VWF: variants seen among roughly 807,000 people sequenced by gnomAD.
VWF encodes the protein Factor VIII related antigen.
Under a neutral mutation model 308.6 loss-of-function variants are expected in VWF, and 176 were observed. The observed-to-expected ratio is 0.57, with a 90% confidence interval of 0.50 to 0.65. The LOEUF is 0.65. VWF is among the 30% of genes least tolerant of loss of function. The pLI is 0.00. For synonymous variants in VWF, 1,385 were observed against 1,443.4 expected (o/e 0.96, Z 0.92); for missense variants, 3,146 against 3,648.2 (o/e 0.86, Z 3.55).
intron 39 of VWF, 105 bp downstream of exon 39, chr12:5,985,458 G>A: frequency 1.6e-6 from 2 of 1,239,898 alleles, no homozygotes; most frequent in African/African-American, 1.5e-5. Flanking sequence ...GACTCTAGGT[G>A]CCAGTGTTTG....
chr12:5,971,764 C>G (rs1438405509), intron 43 of VWF, 55 bp from the exon 44 acceptor site: 5 of 1,461,612 alleles, frequency 3.4e-6, no homozygotes, highest in Non-Finnish European at 4.8e-6. Flanking sequence ...GACACAGGGG[C>G]TCTTACCTAC....
In VWF at chr12:6,065,225, C is replaced by T. The variant is rs779082753; in HGVS notation, c.1205G>A (p.Arg402Lys). ...GQSHFKSFDN[R>K]YFTFSGICQY... Reference sequence around the variant, plus strand: ...GCAGATCCCACTGAAGGTGAAGTATCTGTTGTCAAAGCTCTTGAAGTGTGA... The same window carrying T: ...GCAGATCCCACTGAAGGTGAAGTATTTGTTGTCAAAGCTCTTGAAGTGTGA... Residue 402 changes from arginine (R) to lysine (K), a missense_variant, in exon 11 of 52, where the codon AGA becomes AAA. Around this residue, in one of 3 missense-constraint regions of VWF, gnomAD observed 1,304 missense variants for 1,353.0 expected, o/e 0.96. Transcript: ENST00000261405. 5.9e-5 allele frequency: 95 copies of T among 1,614,054 alleles called. No homozygotes were observed. The Admixed American group carries it at 1.6e-3, about 27-fold the overall frequency.
chr12:5,980,379 G>T (rs1045322045), intron 42 of VWF, among the ~76,000 whole-genome samples: 1 of 152,114 alleles, frequency 6.6e-6, no homozygotes, highest in Admixed American at 6.6e-5. Context: ...AATCCCCTGG[G>T]TCTAACTTCT....
chr12:6,093,025 TCCCAGCCTGCAGGATG>T (rs1945067920), intron 6 of VWF, among the ~76,000 whole-genome samples: 1 of 151,736 alleles, frequency 6.6e-6, no homozygotes, highest in East Asian at 1.9e-4. Flanking sequence ...AGGCTACACT[TCCCAGCCTGCAGGATG>T]GCCAGCCTGC....
At chr12:6,061,983 G>A (rs1202384353) in intron 13 of VWF, among the ~76,000 whole-genome samples, 1 of 152,090 alleles carries the variant, frequency 6.6e-6, no homozygotes, top group East Asian at 1.9e-4. Context: ...TTTTGTTCTG[G>A]CAAACAGTTA....
intron 34 of VWF, among the ~76,000 whole-genome samples, chr12:6,000,969 T>C (rs1007119529): frequency 6.6e-6 from 1 of 152,030 alleles, no homozygotes; most frequent in African/African-American, 2.4e-5. Context: ...AATGTGCAAA[T>C]GTTATATGCT....
chr12:6,110,809 G>A, intron 4 of VWF, 57 bp downstream of exon 4: 1 of 1,554,410 alleles, frequency 6.4e-7, no homozygotes, highest in Middle Eastern at 1.7e-4. Context: ...CTAAAAATGA[G>A]GGGGTTGTGT....
intron 5 of VWF, among the ~76,000 whole-genome samples, chr12:6,097,789 T>A (rs137913829): frequency 1.1e-4 from 17 of 152,350 alleles, no homozygotes; most frequent in Non-Finnish European, 1.5e-4. Context: ...CTTAAATTTG[T>A]GGCATGTTGA....
chr12:6,016,278 T>C lies in VWF; in HGVS notation c.5312-46A>G, dbSNP rs770144599. Reference sequence around the variant, plus strand: ...ACGCCAAGTCAGTACTGACTGCGGCTCGACACCCTGTCTTAACGGTGGATC... The same window carrying C: ...ACGCCAAGTCAGTACTGACTGCGGCCCGACACCCTGTCTTAACGGTGGATC... On this transcript the variant is annotated intron_variant, in intron 30 of 51. Transcript: ENST00000261405. 9.3e-6 allele frequency: 15 copies of C among 1,613,932 alleles called. No homozygotes were observed. The East Asian group carries it at 3.3e-4, about 36-fold the overall frequency.
At chr12:6,111,357 G>A (rs542704216) in intron 3 of VWF, among the ~76,000 whole-genome samples, 7 of 152,188 alleles carry the variant, frequency 4.6e-5, no homozygotes, top group Non-Finnish European at 1.0e-4. Flanking sequence ...TGCTCTAGGA[G>A]AGTGTTATTT....
chr12:6,015,369 C>T (rs1565830000), intron 31 of VWF, among the ~76,000 whole-genome samples: 1 of 152,040 alleles, frequency 6.6e-6, no homozygotes, highest in Non-Finnish European at 1.5e-5. Flanking sequence ...ATAACTTCCT[C>T]AGGAAGAACA....
chr12:6,000,830 A>G (rs909024449), intron 34 of VWF, among the ~76,000 whole-genome samples: 5 of 151,528 alleles, frequency 3.3e-5, no homozygotes, highest in African/African-American at 1.2e-4. Flanking sequence ...AAAAAAAAAA[A>G]AAAAGAAATC....
chr12:6,016,918 A>G, intron 28 of VWF, 48 bp from the exon 29 acceptor site: 1 of 1,586,200 alleles, frequency 6.3e-7, no homozygotes, highest in Non-Finnish European at 8.7e-7. Context: ...AGCAGGGACA[A>G]TGGCCACCAG....
At position 6,119,168 on chromosome 12, in the gene VWF, G is replaced by C. The variant is rs73036578; in HGVS notation, c.220+2006C>G. 8.4e-3 allele frequency among the ~76,000 whole-genome samples: 1,282 copies of C among 152,262 alleles called. 18 individuals are homozygous for C. Among genetic ancestry groups the C allele is most frequent in the Non-Finnish European group, 0.011 (739 of 68,026 alleles). On this transcript the variant is annotated intron_variant, in intron 3 of 51. Transcript: ENST00000261405. Reference sequence around the variant, plus strand: ...ACTCAAAGTCCCCATCAGACTCCAAGACCCTACACTGCAGCTTCACCCGAT... The same window carrying C: ...ACTCAAAGTCCCCATCAGACTCCAACACCCTACACTGCAGCTTCACCCGAT...
At chr12:5,968,458 G>A (rs909059218) in intron 45 of VWF, among the ~76,000 whole-genome samples, 9 of 152,128 alleles carry the variant, frequency 5.9e-5, no homozygotes, top group Non-Finnish European at 1.2e-4. Flanking sequence ...GAGGATGTTT[G>A]GGTTTATGAA....
intron 17 of VWF, among the ~76,000 whole-genome samples, chr12:6,045,067 A>G (rs1944434239): frequency 6.6e-6 from 1 of 152,168 alleles, no homozygotes; most frequent in South Asian, 2.1e-4. Context: ...TTACTTGTTT[A>G]CTGTCCTCCC....
rs147799563 is a variant in VWF at position 6,050,429 on chromosome 12, C to A, written c.2186+2114G>T. On this transcript the variant is annotated intron_variant, in intron 16 of 51. Transcript: ENST00000261405. ...CTCATGCAGCTCCCAAAACCCACCC[C>A]CTGAAGTTACTCTTGGATCCTATTT... Among the ~76,000 whole-genome samples, 383 of 152,258 alleles carry A rather than the reference C, an allele frequency of 2.5e-3. 2 individuals are homozygous for A. The highest frequency in any genetic ancestry group is 9.1e-3 in the African/African-American group (380 of 41,550).
rs78400957 is a variant in VWF, at chr12:6,051,930, C to G, written c.2186+613G>C. 2.1e-3 allele frequency among the ~76,000 whole-genome samples: 321 copies of G among 152,300 alleles called. 2 individuals are homozygous for G. Among genetic ancestry groups the G allele is most frequent in the African/African-American group, 7.3e-3 (302 of 41,562 alleles). ...CCCAGCCTGGCTCATCTTTAGACCA[C>G]CAATTCTTAGCCAGAACTAAGACAG... On this transcript the variant is annotated intron_variant, in intron 16 of 51. Coordinates refer to ENST00000261405, the MANE Select transcript of VWF (RefSeq NM_000552.5).
In VWF at chr12:5,976,099, T is replaced by G; in HGVS notation, c.7437+12A>C. ...GATAGCTGCAGGCATGCCCAGCCCC[T>G]GCCCCACTCACCGACCGACAGCTGT... On this transcript the variant is annotated intron_variant, in intron 43 of 51. Coordinates refer to ENST00000261405, the MANE Select transcript of VWF (RefSeq NM_000552.5). 6.2e-7 allele frequency: 1 copy of G among 1,613,456 alleles called. No homozygotes were observed. The highest frequency in any genetic ancestry group is 1.1e-5 in the South Asian group (1 of 91,072).
Sources: gnomAD v4.1 joint callset for allele counts (sites outside exome capture counted in the v4.1 genomes callset) on GRCh38, gnomAD v4.1.1 for gene constraint, gnomAD v4.1.1 regional missense constraint, MANE v1.5 for transcripts, NCBI Gene and HGNC (gene_info 2026-07-23, HGNC 2026-07-21) for gene names.